Variants in FAM53B observed in about 807,000 individuals in gnomAD.
The protein encoded by FAM53B is family with sequence similarity 53 member B, also known as protein FAM53B.
Under a neutral mutation model 32.7 loss-of-function variants are expected in FAM53B, and 12 were observed. The ratio of observed to expected loss-of-function variants is 0.37; its 90% CI spans 0.24 to 0.59. The LOEUF (loss-of-function observed/expected upper bound fraction) is 0.59. Ranked by LOEUF, FAM53B falls within the 20% of genes least tolerant of loss-of-function variation. FAM53B has a pLI of 0.72. For synonymous variants in FAM53B, 234 were observed against 228.7 expected (o/e 1.02, Z -0.21); for missense variants, 477 against 577.7 (o/e 0.83, Z 1.79).
chr10:124,644,983 G>A (rs576407048), intron 4 of FAM53B, among the ~76,000 whole-genome samples: 1 of 152,332 alleles, frequency 6.6e-6, no homozygotes, highest in Non-Finnish European at 1.5e-5. Flanking sequence ...CCAGGGGGAG[G>A]AGCCACATGA....
At chr10:124,717,623 G>A (rs934258703) in intron 1 of FAM53B, among the ~76,000 whole-genome samples, 1 of 152,264 alleles carries the variant, frequency 6.6e-6, no homozygotes, top group African/African-American at 2.4e-5. Flanking sequence ...GACCGAGGTA[G>A]CGGGGAGGTG....
At chr10:124,738,359 G>T (rs919539588) in intron 1 of FAM53B, among the ~76,000 whole-genome samples, 2 of 151,608 alleles carry the variant, frequency 1.3e-5, no homozygotes, top group Non-Finnish European at 2.9e-5. Context: ...TGGGCATCTG[G>T]ATTTTTTTTT....
At chr10:124,729,579 T>C (rs1468244560) in intron 1 of FAM53B, among the ~76,000 whole-genome samples, 2 of 152,190 alleles carry the variant, frequency 1.3e-5, no homozygotes, top group Non-Finnish European at 2.9e-5. Context: ...TATAAAGGTT[T>C]CCATCCTGAT....
chr10:124,630,977 C>G (rs973889232), intron 4 of FAM53B, among the ~76,000 whole-genome samples: 3 of 152,200 alleles, frequency 2.0e-5, no homozygotes, highest in African/African-American at 7.2e-5. Context: ...GGTATCTTGC[C>G]CCAAATCTGA....
At chr10:124,739,189 C>A (rs1006273265) in intron 1 of FAM53B, among the ~76,000 whole-genome samples, 21 of 152,202 alleles carry the variant, frequency 1.4e-4, no homozygotes, top group Non-Finnish European at 2.6e-4. Flanking sequence ...GAACCCAGTG[C>A]CTCTATCATA....
chr10:124,623,089 G>T lies in FAM53B; in HGVS notation c.*153C>A. ...CGCGGCCAGGCCAGGCTCTCCCCCAGGCAGCAGGTGGGCTCCCTCTCTGGG... is the reference window on the plus strand; with the variant it reads ...CGCGGCCAGGCCAGGCTCTCCCCCATGCAGCAGGTGGGCTCCCTCTCTGGG... On this transcript the variant is annotated 3_prime_UTR_variant, in exon 5 of 5. Coordinates refer to ENST00000337318, the MANE Select transcript of FAM53B (RefSeq NM_014661.4). 1 of 1,014,650 alleles carries T rather than the reference G, an allele frequency of 9.9e-7. No individual in the cohort carries two copies. Among genetic ancestry groups the T allele is most frequent in the Non-Finnish European group, 1.4e-6 (1 of 702,194 alleles). The allele number at this position is 1,014,650 out of a possible 1,614,324, so 62.9% of individuals were successfully genotyped here.
chr10:124,668,138 T>C (rs745752088), intron 4 of FAM53B, among the ~76,000 whole-genome samples: 1 of 152,220 alleles, frequency 6.6e-6, no homozygotes, highest in Non-Finnish European at 1.5e-5. Context: ...TGAATCAAGC[T>C]GAAGATCTGG....
At chr10:124,675,286 G>A (rs185699671) in intron 4 of FAM53B, among the ~76,000 whole-genome samples, 55 of 152,304 alleles carry the variant, frequency 3.6e-4, no homozygotes, top group African/African-American at 1.3e-3. Context: ...GGAAAGGAAG[G>A]AAGGGAAGCA....
rs548775999 is a variant in FAM53B, at chr10:124,662,183, G to T, written c.906+19424C>A. The stretch of plus-strand genomic sequence containing the variant: ...CATGGCCACAGCTGGTCCTGTGACC[G>T]TGGCCGCTACTCTGAACCTCAGCCT... On this transcript the variant is annotated intron_variant, in intron 4 of 4. Transcript: ENST00000337318. Among the ~76,000 whole-genome samples the T allele has an allele frequency of 2.4e-4, 37 of 152,338 alleles. No individual in the cohort carries two copies. In the East Asian group the frequency reaches 6.9e-3, roughly 29 times the overall value.
intron 4 of FAM53B, among the ~76,000 whole-genome samples, chr10:124,642,840 C>T (rs930698549): frequency 2.6e-5 from 4 of 152,218 alleles, no homozygotes; most frequent in Admixed American, 6.5e-5. Flanking sequence ...CTGCAGCACA[C>T]GGCTCTCTGG....
At chr10:124,631,227 C>T (rs766345191) in intron 4 of FAM53B, among the ~76,000 whole-genome samples, 1 of 152,198 alleles carries the variant, frequency 6.6e-6, no homozygotes, top group African/African-American at 2.4e-5. Context: ...CACAGTGTAG[C>T]CTTGCCTACG....
Position 124,623,177 on chromosome 10 carries a change from C to T in FAM53B, c.*65G>A. The stretch of plus-strand genomic sequence containing the variant: ...AGTTGGGCTCCCCTTCAAGGGCCCA[C>T]CTAGTGCCCAGAGTGGGGGCTGTCG... On this transcript the variant is annotated 3_prime_UTR_variant, in exon 5 of 5. Transcript: ENST00000337318. 1.3e-6 allele frequency: 2 copies of T among 1,510,228 alleles called. No homozygotes were observed. Among genetic ancestry groups the T allele is most frequent in the Non-Finnish European group, 1.8e-6 (2 of 1,128,352 alleles). 93.6% of individuals were successfully genotyped at this position (1,510,228 alleles called of 1,614,324 possible).
intron 1 of FAM53B, among the ~76,000 whole-genome samples, chr10:124,720,137 T>C (rs1950060266): frequency 6.8e-6 from 1 of 146,350 alleles, no homozygotes; most frequent in Non-Finnish European, 1.5e-5. Flanking sequence ...CACTCCAGCC[T>C]GGGTGACAAA....
chr10:124,623,543 T>C lies in FAM53B; in HGVS notation c.968A>G (p.Gln323Arg). 6.4e-7 allele frequency: 1 copy of C among 1,572,084 alleles called. No homozygotes were observed. Among genetic ancestry groups the C allele is most frequent in the Non-Finnish European group, 8.6e-7 (1 of 1,160,310 alleles). ...LSAGTEDCGP[Q>R]SPFARHVSNT... ...GCTGACGTGGCGGGCGAAGGGGCTCTGGGGACCGCAGTCCTCTGTCCCTGC... is the reference window on the plus strand; with the variant it reads ...GCTGACGTGGCGGGCGAAGGGGCTCCGGGGACCGCAGTCCTCTGTCCCTGC... The change falls in exon 5 of 5, where the codon CAG becomes CGG. Residue 323 changes from glutamine (Q) to arginine (R), a missense_variant. Gln to Arg is a conservative substitution (Grantham distance 43, BLOSUM62 1). This residue lies in a region of FAM53B where 165 missense variants were observed against 157.5 expected (regional missense o/e 1.05). Transcript: ENST00000337318.
At chr10:124,680,997 CAA>C (rs1949766926) in intron 4 of FAM53B, among the ~76,000 whole-genome samples, 1 of 152,200 alleles carries the variant, frequency 6.6e-6, no homozygotes, top group Non-Finnish European at 1.5e-5. Context: ...AGCTCCAAGA[CAA>C]AGAGGATAAA....
At chr10:124,719,960 C>T (rs1174084267) in intron 1 of FAM53B, among the ~76,000 whole-genome samples, 2 of 152,076 alleles carry the variant, frequency 1.3e-5, no homozygotes, top group African/African-American at 2.4e-5. Context: ...GTAAGGAGTT[C>T]GAGACCAGCC....
intron 1 of FAM53B, among the ~76,000 whole-genome samples, chr10:124,718,094 A>G (rs1332664057): frequency 2.6e-5 from 4 of 151,904 alleles, no homozygotes; most frequent in Non-Finnish European, 5.9e-5. Flanking sequence ...CTGCGAGGGC[A>G]GTGATCTCTT....
chr10:124,710,597 A>C (rs1310655312), intron 1 of FAM53B, among the ~76,000 whole-genome samples: 1 of 152,210 alleles, frequency 6.6e-6, no homozygotes, highest in Non-Finnish European at 1.5e-5. Context: ...GCCAAGAAAA[A>C]GACAATAACT....
chr10:124,639,056 C>G (rs559678165), intron 4 of FAM53B, among the ~76,000 whole-genome samples: 2 of 152,154 alleles, frequency 1.3e-5, no homozygotes, highest in African/African-American at 2.4e-5. Flanking sequence ...GGAGACTCAC[C>G]CCAGACTTAC....
Sources: gnomAD v4.1 joint callset for allele counts (sites outside exome capture counted in the v4.1 genomes callset) on GRCh38, gnomAD v4.1.1 for gene constraint, gnomAD v4.1.1 regional missense constraint, MANE v1.5 for transcripts, NCBI Gene and HGNC (gene_info 2026-07-23, HGNC 2026-07-21) for gene names.